UBXN2A: variants seen among roughly 807,000 people sequenced by gnomAD.
UBXN2A encodes the protein UBX domain protein 2A, also known as UBX domain-containing protein 2A.
In UBXN2A, 28 loss-of-function variants were observed where a neutral mutation model predicts 28.4. The ratio of observed to expected loss-of-function variants is 0.99; its 90% confidence interval spans 0.73 to 1.35. UBXN2A has a LOEUF of 1.35. Among genes scored for constraint, UBXN2A ranks in the 40% most tolerant of loss-of-function variants. The pLI is 0.00. For missense variants in UBXN2A, 253 were observed against 297.9 expected (o/e 0.85, Z 1.11); for synonymous variants, 97 against 103.6 (o/e 0.94, Z 0.39).
chr2:23,997,454 T>A (rs1402412485), intron 6 of UBXN2A, among the ~76,000 whole-genome samples: 1 of 152,164 alleles, frequency 6.6e-6, no homozygotes, highest in South Asian at 2.1e-4. Flanking sequence ...TTATTTATTT[T>A]TATTTATTTA....
intron 1 of UBXN2A, among the ~76,000 whole-genome samples, chr2:23,932,340 AAAAAG>A (rs1213485750): frequency 2.0e-5 from 3 of 152,122 alleles, no homozygotes; most frequent in African/African-American, 7.2e-5. Flanking sequence ...GGAAAAAAAA[AAAAAG>A]AAATGCAAAA....
intron 6 of UBXN2A, chr2:23,996,917 C>A (rs1357410153): frequency 2.6e-5 from 4 of 152,186 alleles, no homozygotes; most frequent in Admixed American, 6.6e-5. Flanking sequence ...TGGTTCCCCC[C>A]ACCTTAGGGA....
chr2:23,984,880 T>C lies in UBXN2A; in HGVS notation c.584+49T>C, dbSNP rs763125491. On this transcript the variant is annotated intron_variant, in intron 6 of 6. Coordinates refer to ENST00000309033, the MANE Select transcript of UBXN2A (RefSeq NM_181713.4). Reference sequence around the variant, plus strand: ...GATATTTTTTCACCAAGTTAAAATTTCATTTTTTCTTTTTGGTTCAGTCAA... The same window carrying C: ...GATATTTTTTCACCAAGTTAAAATTCCATTTTTTCTTTTTGGTTCAGTCAA... The C allele has an allele frequency of 9.2e-6, 14 of 1,523,568 alleles. No homozygotes were observed. In the African/African-American group the frequency reaches 1.7e-4, roughly 19 times the overall value. 94.4% of individuals were successfully genotyped at this position (1,523,568 alleles called of 1,614,324 possible). A position where few individuals can be genotyped will look rare whatever the true frequency, so the allele number is the denominator to read the frequency against.
chr2:23,995,817 A>G (rs999963993), intron 6 of UBXN2A, among the ~76,000 whole-genome samples: 21 of 152,204 alleles, frequency 1.4e-4, no homozygotes, highest in African/African-American at 5.1e-4. Context: ...TTTTATAGCA[A>G]TATTTTTAGG....
rs1708055303 is a variant in UBXN2A at position 23,984,754 on chromosome 2, C to T, written c.507C>T (p.Asn169=). The part of the protein sequence containing the change: ...KNNLSAVPLN[N]LEPITNIQIW... ...ATTTGTCTGCTGTTCCACTGAACAA[C>T]TTGGAACCCATTACTAATATACAGA... is the stretch of plus-strand genomic sequence containing the variant. The change falls in exon 6 of 7, where the codon AAC becomes AAT. Residue 169 remains asparagine (N), a synonymous_variant. Coordinates refer to ENST00000309033, the MANE Select transcript of UBXN2A (RefSeq NM_181713.4). 1.3e-6 allele frequency: 2 copies of T among 1,570,302 alleles called. No individual in the cohort carries two copies. The highest frequency in any genetic ancestry group is 2.1e-5 in the Admixed American group (1 of 47,612).
rs1373433427 is a variant in UBXN2A at position 23,999,552 on chromosome 2, C to T, written c.585-120C>T. ...CACCACTGCACTGCATCCTGGGTGA[C>T]AAAGCAAGACGCTATCTCTAATAAT... On this transcript the variant is annotated intron_variant, in intron 6 of 6. Transcript: ENST00000309033. The T allele has an allele frequency of 4.4e-6, 5 of 1,133,820 alleles. No homozygotes were observed. In the Admixed American group the frequency reaches 1.1e-4, roughly 25 times the overall value. 70.2% of individuals were successfully genotyped at this position (1,133,820 alleles called of 1,614,324 possible).
intron 1 of UBXN2A, among the ~76,000 whole-genome samples, chr2:23,928,277 G>A (rs777460426): frequency 4.0e-5 from 6 of 151,778 alleles, no homozygotes; most frequent in Non-Finnish European, 5.9e-5. Context: ...TAGGAATTAG[G>A]TTCATTTCAA....
At chr2:23,962,822 C>G (rs1275595701) in intron 2 of UBXN2A, among the ~76,000 whole-genome samples, 1 of 152,020 alleles carries the variant, frequency 6.6e-6, no homozygotes, top group Non-Finnish European at 1.5e-5. Flanking sequence ...GTCAGGCAGG[C>G]TGGTCTCCAA....
intron 1 of UBXN2A, among the ~76,000 whole-genome samples, chr2:23,933,334 C>T (rs1475727390): frequency 4.0e-5 from 6 of 151,736 alleles, no homozygotes; most frequent in Non-Finnish European, 8.8e-5. Context: ...TGGAGAAACC[C>T]CATCTCTACT....
intron 6 of UBXN2A, among the ~76,000 whole-genome samples, chr2:23,998,592 C>T (rs760497299): frequency 3.9e-5 from 6 of 152,118 alleles, no homozygotes; most frequent in East Asian, 3.9e-4. Flanking sequence ...TGGTGGCAGG[C>T]GCCTATAATC....
intron 3 of UBXN2A, among the ~76,000 whole-genome samples, chr2:23,976,093 T>G (rs988330446): frequency 6.6e-6 from 1 of 152,218 alleles, no homozygotes; most frequent in African/African-American, 2.4e-5. Flanking sequence ...TTTTTCTACC[T>G]TCCCCCTCTC....
chr2:23,980,697 G>A (rs761790132), intron 4 of UBXN2A, among the ~76,000 whole-genome samples: 5 of 151,950 alleles, frequency 3.3e-5, no homozygotes, highest in Non-Finnish European at 5.9e-5. Context: ...GCATGATCTC[G>A]GCTCACTGTA....
In UBXN2A at chr2:23,990,975, C is replaced by A. The variant is rs1261012341; in HGVS notation, c.584+6144C>A. The stretch of plus-strand genomic sequence containing the variant: ...CCAGCTTGGATATTTTTCCTCACCC[C>A]ACTTGGCCTCTGACATCCTACACTA... On this transcript the variant is annotated intron_variant, in intron 6 of 6. Coordinates refer to ENST00000309033, the MANE Select transcript of UBXN2A (RefSeq NM_181713.4). Among the ~76,000 whole-genome samples, 4 of 152,122 alleles carry A rather than the reference C, an allele frequency of 2.6e-5. No homozygotes were observed. The South Asian group carries it at 6.2e-4, about 24-fold the overall frequency.
At chr2:23,966,198 C>T (rs1394514544) in intron 2 of UBXN2A, among the ~76,000 whole-genome samples, 1 of 151,536 alleles carries the variant, frequency 6.6e-6, no homozygotes, top group Non-Finnish European at 1.5e-5. Flanking sequence ...GAGTGCAGTG[C>T]CGCGATCTTG....
chr2:23,958,242 C>T (rs1706729149), intron 1 of UBXN2A, 59 bp from the exon 2 acceptor site: 8 of 1,422,384 alleles, frequency 5.6e-6, no homozygotes, highest in African/African-American at 4.3e-5. Context: ...TACATGGTAA[C>T]TTACATATTA....
chr2:23,928,221 GGAAA>G (rs200734112), intron 1 of UBXN2A, among the ~76,000 whole-genome samples: 9,738 of 149,722 alleles, frequency 0.065, 400 homozygotes, highest in African/African-American at 0.12. Context: ...AAGAAAGAAA[GGAAA>G]GAAAGAAAGA....
chr2:23,968,636 G>A (rs1428558579), intron 2 of UBXN2A, among the ~76,000 whole-genome samples: 2 of 150,428 alleles, frequency 1.3e-5, no homozygotes, highest in East Asian at 4.0e-4. Flanking sequence ...TTGCGCCACT[G>A]CAGTCCAGCC....
In UBXN2A at chr2:23,991,901, C is replaced by T. The variant is rs1456044697; in HGVS notation, c.584+7070C>T. ...CTGCCTCCTGGGTTCAAGCAATTCT[C>T]GTCCCTCAGCCTCCCAAGTAGCTGG... is the stretch of plus-strand genomic sequence containing the variant. On this transcript the variant is annotated intron_variant, in intron 6 of 6. Transcript: ENST00000309033. Among the ~76,000 whole-genome samples, 6 of 152,170 alleles carry T rather than the reference C, an allele frequency of 3.9e-5. No individual in the cohort carries two copies. In the South Asian group the frequency reaches 8.3e-4, roughly 21 times the overall value.
intron 5 of UBXN2A, 121 bp downstream of exon 5, chr2:23,983,154 AT>A (rs1463361580): frequency 2.8e-5 from 33 of 1,162,936 alleles, no homozygotes; most frequent in South Asian, 6.7e-5. Context: ...TGGAAATCAG[AT>A]TTTTTTTAAT....
Sources: gnomAD v4.1 joint callset for allele counts (sites outside exome capture counted in the v4.1 genomes callset) on GRCh38, gnomAD v4.1.1 for gene constraint, MANE v1.5 for transcripts, NCBI Gene and HGNC (gene_info 2026-07-23, HGNC 2026-07-21) for gene names.